Variants in AZIN1 observed in about 807,000 individuals in gnomAD.
AZIN1 encodes antizyme inhibitor 1.
AZIN1 carries 12 observed loss-of-function variants against 47.4 expected under a neutral mutation model. That is an observed-to-expected ratio of 0.25 (90% CI 0.16 to 0.41). AZIN1 has a LOEUF of 0.41. AZIN1 is among the 10% of genes least tolerant of loss of function. The pLI, the probability that AZIN1 is intolerant of heterozygous loss-of-function variation, is 1.00. For synonymous variants in AZIN1, 155 were observed against 176.3 expected, an observed-to-expected ratio of 0.88 and a Z score of 0.96; for missense variants, 410 against 532.4, an observed-to-expected ratio of 0.77 and a Z score of 2.26.
intron 8 of AZIN1, 29 bp downstream of exon 8, chr8:102,834,160 C>T: frequency 6.3e-7 from 1 of 1,576,670 alleles, no homozygotes; most frequent in Non-Finnish European, 8.7e-7. Context: ...AGCAATTATT[C>T]TGTTAATGTC....
At chr8:102,835,132 C>T (rs1811736659) in intron 6 of AZIN1, 1 of 159,538 alleles carries the variant, frequency 6.3e-6, no homozygotes, top group African/African-American at 2.4e-5. Context: ...TCAATTTTAC[C>T]CAACCAAATA....
At chr8:102,856,095 T>TTTG (rs1253139530) in intron 2 of AZIN1, 2 of 147,460 alleles carry the variant, frequency 1.4e-5, no homozygotes, top group Non-Finnish European at 3.0e-5. Context: ...TTTTTTTTGT[T>TTTG]TTTTTTTTTT....
chr8:102,833,215 T>G lies in AZIN1; in HGVS notation c.745A>C (p.Asn249His). Reference sequence around the variant, plus strand: ...TCCAACAGAGGGCTGATAACATGATTAACCTATGGATTTTAAATGCCACAG... The same window carrying G: ...TCCAACAGAGGGCTGATAACATGATGAACCTATGGATTTTAAATGCCACAG... The part of the protein sequence containing the change: ...TGTEFQLEEV[N>H]HVISPLLDIY... Residue 249 changes from asparagine to histidine, a missense_variant, in exon 9 of 12, where the codon AAT becomes CAT. By Grantham distance (68) the Asn-to-His change is moderately conservative. Around this residue, in one of 3 missense-constraint regions of AZIN1, gnomAD observed 237 missense variants for 309.4 expected, o/e 0.77. Coordinates refer to ENST00000337198, the MANE Select transcript of AZIN1 (RefSeq NM_148174.4). 1 of 1,611,250 alleles carries G rather than the reference T, an allele frequency of 6.2e-7. No homozygotes were observed. The highest frequency in any genetic ancestry group is 8.5e-7 in the Non-Finnish European group (1 of 1,178,810).
chr8:102,834,718 G>A lies in AZIN1; in HGVS notation c.614C>T (p.Ser205Phe), dbSNP rs145786248. Residue 205 changes from serine to phenylalanine, a missense_variant, in exon 7 of 12, where the codon TCT (serine) becomes TTT (phenylalanine). By Grantham distance (155) the Ser-to-Phe change is radical. Around this residue, in one of 3 missense-constraint regions of AZIN1, gnomAD observed 237 missense variants for 309.4 expected, o/e 0.77. Transcript: ENST00000337198. ...AGATAGAGCATGTACATATACTTGA[G>A]ATTCTTTGCAAGCACTCGAAACATG... ...KFHVSSACKE[S>F]QVYVHALSDA... 5,711 of 1,612,136 alleles carry A rather than the reference G, an allele frequency of 3.5e-3. 19 individuals carry two copies. Among genetic ancestry groups the A allele is most frequent in the Non-Finnish European group, 4.4e-3 (5,170 of 1,178,882 alleles).
intron 2 of AZIN1, among the ~76,000 whole-genome samples, chr8:102,844,139 T>A (rs1191485499): frequency 6.6e-6 from 1 of 152,200 alleles, no homozygotes; most frequent in Non-Finnish European, 1.5e-5. Context: ...GAAATCAAAA[T>A]ACCAGTCTCA....
At chr8:102,836,713 AG>A (rs1811846442) in intron 5 of AZIN1, among the ~76,000 whole-genome samples, 1 of 152,184 alleles carries the variant, frequency 6.6e-6, no homozygotes, top group African/African-American at 2.4e-5. Flanking sequence ...AAATCCACCT[AG>A]GAAGACTAAA....
At position 102,838,935 on chromosome 8, in the gene AZIN1, A is replaced by G. The variant is rs952168261; in HGVS notation, c.277-19T>C. ...TTTCATTCTGTGAAAATGAGGTTAA[A>G]GTGAGAATACATAATGTCACAGTTC... On this transcript the variant is annotated intron_variant, in intron 4 of 11. Transcript: ENST00000337198. The G allele has an allele frequency of 6.2e-7, 1 of 1,600,562 alleles. No individual in the cohort carries two copies. The highest frequency in any genetic ancestry group is 8.5e-7 in the Non-Finnish European group (1 of 1,171,902).
rs141830115 is a variant in AZIN1 at position 102,861,544 on chromosome 8, A to C, written c.-234+2263T>G. On this transcript the variant is annotated intron_variant, in intron 1 of 11. Transcript: ENST00000337198. ...GCCTAATAAAGTTTATTTTTAAAAA[A>C]AACAACCAAGGGACAGTCACCTAAT... 9.0e-3 allele frequency among the ~76,000 whole-genome samples: 1,373 copies of C among 152,196 alleles called. 20 individuals are homozygous for C. Among genetic ancestry groups the C allele is most frequent in the Middle Eastern group, 0.041 (12 of 294 alleles).
chr8:102,845,347 G>A (rs548577592), intron 2 of AZIN1, among the ~76,000 whole-genome samples: 1 of 152,292 alleles, frequency 6.6e-6, no homozygotes, highest in East Asian at 1.9e-4. Flanking sequence ...TTTCCAAGAA[G>A]CCAACTACAT....
rs917131801 is a variant in AZIN1 at position 102,864,109 on chromosome 8, G to A, written c.-536C>T. 1 of 172,028 alleles carries A rather than the reference G, an allele frequency of 5.8e-6. No individual in the cohort carries two copies. The highest frequency in any genetic ancestry group is 2.4e-5 in the African/African-American group (1 of 41,566). 10.7% of individuals were successfully genotyped at this position (172,028 alleles called of 1,614,324 possible). ...GAAAGGATGAGAAGAGGCAGAGAAG[G>A]CGACGGCAGAAGAAAAAAGGAAAAA... On this transcript the variant is annotated 5_prime_UTR_variant, in exon 1 of 12. Coordinates refer to ENST00000337198, the MANE Select transcript of AZIN1 (RefSeq NM_148174.4).
chr8:102,848,111 T>G (rs1462497039), intron 2 of AZIN1, among the ~76,000 whole-genome samples: 2 of 151,984 alleles, frequency 1.3e-5, no homozygotes, highest in Non-Finnish European at 2.9e-5. Context: ...TAACTCGGTA[T>G]ACAGGATGGT....
rs187231207 is a variant in AZIN1, at chr8:102,845,179, T to C, written c.-95-1432A>G. 1.6e-3 allele frequency among the ~76,000 whole-genome samples: 245 copies of C among 149,908 alleles called. 1 individual carries two copies. The highest frequency in any genetic ancestry group is 5.7e-3 in the African/African-American group (235 of 41,088). ...AATGCCCCAAACTAGAGTTCACCCT[T>C]GGGTGATGGCCACTGTCCTGAAAGT... On this transcript the variant is annotated intron_variant, in intron 2 of 11. Transcript: ENST00000337198.
At chr8:102,847,800 C>T (rs1479979060) in intron 2 of AZIN1, among the ~76,000 whole-genome samples, 1 of 152,000 alleles carries the variant, frequency 6.6e-6, no homozygotes, top group Non-Finnish European at 1.5e-5. Context: ...CACTATGTTG[C>T]CCCAGGCTGG....
chr8:102,832,915 T>C (rs769062037), intron 9 of AZIN1, 141 bp downstream of exon 9: 9 of 689,456 alleles, frequency 1.3e-5, no homozygotes, highest in East Asian at 2.8e-5. Flanking sequence ...GCTGGGATTA[T>C]AGGCGTGAGC....
intron 2 of AZIN1, among the ~76,000 whole-genome samples, chr8:102,851,857 T>C (rs544958577): frequency 1.2e-4 from 18 of 152,294 alleles, no homozygotes; most frequent in African/African-American, 4.3e-4. Flanking sequence ...ATGTGGTACT[T>C]TACATTCTAG....
At chr8:102,831,494 C>A (rs939440168) in intron 9 of AZIN1, among the ~76,000 whole-genome samples, 5 of 147,748 alleles carry the variant, frequency 3.4e-5, no homozygotes, top group African/African-American at 1.3e-4. Flanking sequence ...AAAAAAAAAT[C>A]TAGCCGGGTG....
At position 102,836,279 on chromosome 8, in the gene AZIN1, A is replaced by G. The variant is rs202007642; in HGVS notation, c.561T>C (p.Leu187=). Reference sequence around the variant, plus strand: ...ACTTAACCCCAATTATTTGGACATCAAGTTCCTTAGCACATTCCAAGAGAT... The same window carrying G: ...ACTTAACCCCAATTATTTGGACATCGAGTTCCTTAGCACATTCCAAGAGAT... ...CRHLLECAKE[L]DVQIIGVKFH... The change falls in exon 6 of 12, where the codon CTT becomes CTC. Residue 187 remains leucine, a synonymous_variant. Coordinates refer to ENST00000337198, the MANE Select transcript of AZIN1 (RefSeq NM_148174.4). The G allele has an allele frequency of 1.9e-6, 3 of 1,613,922 alleles. No homozygotes were observed. The African/African-American group carries it at 4.0e-5, about 22-fold the overall frequency.
intron 2 of AZIN1, among the ~76,000 whole-genome samples, chr8:102,854,688 A>G (rs759063513): frequency 2.7e-4 from 41 of 150,420 alleles, no homozygotes; most frequent in Non-Finnish European, 5.2e-4. Flanking sequence ...GGCATGTGTA[A>G]ATACTAAAGA....
intron 2 of AZIN1, chr8:102,854,538 A>C (rs1458505235): frequency 6.7e-6 from 1 of 149,872 alleles, no homozygotes; most frequent in Non-Finnish European, 1.5e-5. Flanking sequence ...CGGAGGTTGC[A>C]GTGAGCCAAG....
Sources: gnomAD v4.1 joint callset for allele counts (sites outside exome capture counted in the v4.1 genomes callset) on GRCh38, gnomAD v4.1.1 for gene constraint, gnomAD v4.1.1 regional missense constraint, MANE v1.5 for transcripts, NCBI Gene and HGNC (gene_info 2026-07-23, HGNC 2026-07-21) for gene names.